SHISA6: variants seen among roughly 807,000 people sequenced by gnomAD.
The protein encoded by SHISA6 is protein shisa-6.
Under a neutral mutation model 47.9 loss-of-function variants are expected in SHISA6, and 22 were observed. The observed-to-expected ratio is 0.46, with a 90% CI of 0.33 to 0.66. SHISA6 has a LOEUF of 0.66. Ranked by LOEUF, SHISA6 falls within the 30% of genes least tolerant of loss-of-function variation. The pLI is 0.02. For synonymous variants in SHISA6, 388 were observed against 337.8 expected, an observed-to-expected ratio of 1.15 and a Z score of -1.63; for missense variants, 680 against 764.6, an observed-to-expected ratio of 0.89 and a Z score of 1.30.
At chr17:11,276,875 A>G (rs1908920480) in intron 2 of SHISA6, among the ~76,000 whole-genome samples, 1 of 152,216 alleles carries the variant, frequency 6.6e-6, no homozygotes, top group Admixed American at 6.5e-5. Flanking sequence ...GTTCACTTAC[A>G]TAACTATGAT....
chr17:11,402,817 G>A (rs7209317), intron 3 of SHISA6, among the ~76,000 whole-genome samples: 74,177 of 152,082 alleles, frequency 0.49, 18,633 homozygotes, highest in Middle Eastern at 0.55. Flanking sequence ...ACTGAGGCAG[G>A]CCTCAGCGAG....
chr17:11,369,967 T>C (rs1267865162), intron 2 of SHISA6, among the ~76,000 whole-genome samples: 1 of 152,176 alleles, frequency 6.6e-6, no homozygotes, highest in African/African-American at 2.4e-5. Flanking sequence ...CTGACTTTAG[T>C]CCCCACTTAA....
chr17:11,309,800 G>C (rs1160230722), intron 2 of SHISA6, among the ~76,000 whole-genome samples: 1 of 152,220 alleles, frequency 6.6e-6, no homozygotes, highest in Non-Finnish European at 1.5e-5. Flanking sequence ...TTCCTGTACA[G>C]AGAGATTTCT....
At chr17:11,339,790 G>A (rs961358551) in intron 2 of SHISA6, among the ~76,000 whole-genome samples, 3 of 152,158 alleles carry the variant, frequency 2.0e-5, no homozygotes, top group African/African-American at 7.2e-5. Flanking sequence ...TTTGGTAGCC[G>A]TGAAGAAAGA....
At chr17:11,359,193 C>T (rs775474651) in intron 2 of SHISA6, among the ~76,000 whole-genome samples, 6 of 152,114 alleles carry the variant, frequency 3.9e-5, no homozygotes, top group African/African-American at 7.2e-5. Context: ...TGCTTCCTTG[C>T]TGTCATGTTT....
In SHISA6 at chr17:11,479,337, A is replaced by G. The variant is rs150085479; in HGVS notation, c.896-72559A>G. 7.2e-3 allele frequency among the ~76,000 whole-genome samples: 1,097 copies of G among 152,304 alleles called. 16 individuals are homozygous for G. The highest frequency in any genetic ancestry group is 0.025 in the African/African-American group (1,042 of 41,570). The stretch of plus-strand genomic sequence containing the variant: ...GACATGGATGAAGCTGGAAGTCATC[A>G]TTCTCAGCAAACTAACACAGGAGCA... On this transcript the variant is annotated intron_variant, in intron 3 of 5. Transcript: ENST00000441885.
chr17:11,268,661 C>T (rs752173720), intron 2 of SHISA6, among the ~76,000 whole-genome samples: 2 of 152,200 alleles, frequency 1.3e-5, no homozygotes, highest in Non-Finnish European at 2.9e-5. Flanking sequence ...TAACATCATA[C>T]ATTTGTCGGT....
intron 2 of SHISA6, among the ~76,000 whole-genome samples, chr17:11,364,206 A>T (rs1000561338): frequency 6.6e-5 from 10 of 152,110 alleles, no homozygotes; most frequent in African/African-American, 2.4e-4. Context: ...TCTCCCCCTT[A>T]TCCAGCACCT....
intron 3 of SHISA6, among the ~76,000 whole-genome samples, chr17:11,429,660 G>A (rs1007863764): frequency 9.9e-5 from 15 of 150,880 alleles, no homozygotes; most frequent in East Asian, 7.8e-4. Context: ...GCATGGTGGC[G>A]CATGCCTATA....
At chr17:11,316,699 A>C (rs892797438) in intron 2 of SHISA6, among the ~76,000 whole-genome samples, 44 of 151,952 alleles carry the variant, frequency 2.9e-4, no homozygotes, top group Middle Eastern at 3.4e-3. Flanking sequence ...GGATTATAGG[A>C]GTGAGCTACC....
intron 2 of SHISA6, among the ~76,000 whole-genome samples, chr17:11,291,498 G>A (rs940430773): frequency 6.6e-6 from 1 of 152,074 alleles, no homozygotes; most frequent in African/African-American, 2.4e-5. Context: ...GCCGGGCATG[G>A]TGGCGGGCGC....
chr17:11,452,134 G>C (rs1163289993), intron 3 of SHISA6, among the ~76,000 whole-genome samples: 1 of 152,222 alleles, frequency 6.6e-6, no homozygotes, highest in African/African-American at 2.4e-5. Context: ...TCTTCACGTA[G>C]AGCCAGGCAT....
chr17:11,528,542 C>T (rs1462619956), intron 3 of SHISA6, among the ~76,000 whole-genome samples: 2 of 152,062 alleles, frequency 1.3e-5, no homozygotes, highest in Non-Finnish European at 2.9e-5. Context: ...ACAGTGGTGC[C>T]AAACAGATAG....
intron 1 of SHISA6, among the ~76,000 whole-genome samples, chr17:11,251,121 G>A (rs1042380202): frequency 3.9e-5 from 6 of 152,146 alleles, no homozygotes; most frequent in Admixed American, 3.3e-4. Flanking sequence ...CAGTAGAACA[G>A]TTGGGTCTCA....
At chr17:11,481,585 C>G (rs1477242972) in intron 3 of SHISA6, among the ~76,000 whole-genome samples, 1 of 151,438 alleles carries the variant, frequency 6.6e-6, no homozygotes, top group East Asian at 2.0e-4. Flanking sequence ...CTGTGCTTCC[C>G]AGGTTTAAGT....
chr17:11,377,401 C>A (rs573403460), intron 2 of SHISA6, among the ~76,000 whole-genome samples: 1 of 152,144 alleles, frequency 6.6e-6, no homozygotes, highest in Non-Finnish European at 1.5e-5. Flanking sequence ...GAAACAGTGG[C>A]AAGATTCTCC....
chr17:11,521,393 A>G (rs889709685), intron 3 of SHISA6, among the ~76,000 whole-genome samples: 1 of 152,202 alleles, frequency 6.6e-6, no homozygotes, highest in Non-Finnish European at 1.5e-5. Context: ...CTTCAGGTCA[A>G]TCTGACTTCA....
chr17:11,281,494 A>G (rs1909119210), intron 2 of SHISA6, among the ~76,000 whole-genome samples: 1 of 152,200 alleles, frequency 6.6e-6, no homozygotes, highest in South Asian at 2.1e-4. Flanking sequence ...CATTCCAAAG[A>G]TAAATCTTAC....
At chr17:11,502,185 G>T (rs1056940163) in intron 3 of SHISA6, among the ~76,000 whole-genome samples, 3 of 151,668 alleles carry the variant, frequency 2.0e-5, no homozygotes, top group African/African-American at 7.3e-5. Context: ...CGAGGCGGGC[G>T]GATCACGAGG....
Sources: allele counts gnomAD v4.1 joint callset (sites outside exome capture counted in the v4.1 genomes callset), GRCh38; gene constraint gnomAD v4.1.1; transcripts MANE v1.5; gene names NCBI Gene and HGNC (gene_info 2026-07-23, HGNC 2026-07-21).